VWF: variants seen among roughly 807,000 people sequenced by gnomAD.
The protein encoded by VWF is Factor VIII related antigen.
Under a neutral mutation model 308.6 loss-of-function variants are expected in VWF, and 176 were observed. The ratio of observed to expected loss-of-function variants is 0.57; its 90% CI spans 0.50 to 0.65. The LOEUF is 0.65. VWF is among the 30% of genes least tolerant of loss of function. VWF has a pLI of 0.00. For missense variants in VWF, 3,146 were observed against 3,648.2 expected (o/e 0.86, Z 3.55); for synonymous variants, 1,385 against 1,443.4 (o/e 0.96, Z 0.92).
At chr12:5,951,176 A>G (rs58935006) in intron 50 of VWF, among the ~76,000 whole-genome samples, 25,969 of 152,182 alleles carry the variant, frequency 0.17, 2,422 homozygotes, top group Middle Eastern at 0.22. Flanking sequence ...TTGTGCTCAC[A>G]AACACAAGCA....
Position 6,065,138 on chromosome 12 carries a change from TG to T in VWF, c.1291del (p.Gln431SerfsTer26). On this transcript the variant is annotated frameshift_variant and splice_region_variant, in exon 11 of 52. Coordinates refer to ENST00000261405, the MANE Select transcript of VWF (RefSeq NM_000552.5). LOFTEE classifies it high-confidence loss of function. Reference protein sequence around the residue: ...HSFSIVIETVQCADDRDAVCT... With the variant: ...HSFSIVIETVXCADDRDAVCT... ...AGCAGCCGGGCTGGCAAAGCTCACC[TG>T]GACAGTCTCAATGACAATGGAGAAG... 6.2e-7 allele frequency: 1 copy of T among 1,614,224 alleles called. No individual in the cohort carries two copies. Among genetic ancestry groups the T allele is most frequent in the Non-Finnish European group, 8.5e-7 (1 of 1,180,052 alleles).
Position 6,030,999 on chromosome 12 carries a change from C to G in VWF, c.2820+445G>C, listed in dbSNP as rs540717308. Among the ~76,000 whole-genome samples the G allele has an allele frequency of 5.3e-5, 8 of 152,204 alleles. No individual in the cohort carries two copies. The East Asian group carries it at 1.5e-3, about 29-fold the overall frequency. On this transcript the variant is annotated intron_variant, in intron 21 of 51. Transcript: ENST00000261405. ...AGCAGAGAGATCACACCACTACACTCCAGCCTAGGCAAAAGAGCGAGACTC... is the reference window on the plus strand; with the variant it reads ...AGCAGAGAGATCACACCACTACACTGCAGCCTAGGCAAAAGAGCGAGACTC...
intron 6 of VWF, among the ~76,000 whole-genome samples, chr12:6,082,827 G>A (rs762521004): frequency 2.6e-5 from 4 of 152,286 alleles, no homozygotes; most frequent in Non-Finnish European, 4.4e-5. Flanking sequence ...ATTTGTCTCA[G>A]GTTTTTCTTT....
At chr12:6,029,933 C>T (rs1373346246) in intron 21 of VWF, among the ~76,000 whole-genome samples, 5 of 152,154 alleles carry the variant, frequency 3.3e-5, no homozygotes, top group Non-Finnish European at 7.3e-5. Context: ...ATCCCACCAC[C>T]TCCCCCTCCC....
At chr12:6,048,668 G>T (rs1163534532) in intron 16 of VWF, among the ~76,000 whole-genome samples, 1 of 151,120 alleles carries the variant, frequency 6.6e-6, no homozygotes, top group East Asian at 2.0e-4. Context: ...TCACCATGTT[G>T]ACCAGGCTGG....
chr12:6,123,415 G>T (rs1464221875), intron 1 of VWF, among the ~76,000 whole-genome samples: 1 of 152,138 alleles, frequency 6.6e-6, no homozygotes, highest in Non-Finnish European at 1.5e-5. Context: ...TGTGAGCTGG[G>T]ACCTGTGGGC....
At chr12:6,055,976 C>T (rs1032095285) in intron 15 of VWF, among the ~76,000 whole-genome samples, 1 of 151,712 alleles carries the variant, frequency 6.6e-6, no homozygotes, top group Non-Finnish European at 1.5e-5. Flanking sequence ...ATCCACTATG[C>T]CTTATTCTTA....
Position 6,112,164 on chromosome 12 carries a change from A to G in VWF, c.221-1196T>C, listed in dbSNP as rs963007823. ...TTAATAAGGACACACTAAATGGTTGACAATGGAAATGTCTGAAGATCCAGA... is the reference window on the plus strand; with the variant it reads ...TTAATAAGGACACACTAAATGGTTGGCAATGGAAATGTCTGAAGATCCAGA... On this transcript the variant is annotated intron_variant, in intron 3 of 51. Transcript: ENST00000261405. Among the ~76,000 whole-genome samples the G allele has an allele frequency of 3.9e-5, 6 of 152,258 alleles. No individual in the cohort carries two copies. The South Asian group carries it at 8.3e-4, about 21-fold the overall frequency.
In VWF at chr12:6,057,948, G is replaced by A. The variant is rs1241627827; in HGVS notation, c.1630C>T (p.Pro544Ser). The change falls in exon 14 of 52, where the codon CCC (proline) becomes TCC (serine). Residue 544 changes from proline to serine, a missense_variant. Transcript: ENST00000261405. Reference protein sequence around the residue: ...DFLTPSGLAEPRVEDFGNAWK... With the variant: ...DFLTPSGLAESRVEDFGNAWK... The stretch of plus-strand genomic sequence containing the variant: ...GCGTTCCCGAAGTCCTCCACCCGGG[G>A]CTCCGCCAGCCCAGAGGGGGTAAGG... 5 of 1,613,734 alleles carry A rather than the reference G, an allele frequency of 3.1e-6. No homozygotes were observed. In the East Asian group the frequency reaches 6.7e-5, roughly 22 times the overall value.
chr12:6,044,444 C>T lies in VWF; in HGVS notation c.2289G>A (p.Arg763=), dbSNP rs886049743. Residue 763 remains arginine (R), a synonymous_variant, in exon 18 of 52, where the codon AGG becomes AGA. Transcript: ENST00000261405. Reference sequence around the variant, plus strand: ...CCATGGGGGGCCGACAGGATAGGCTCCTTTTGCCTCGAAGGTAGGAAAAGC... The same window carrying T: ...CCATGGGGGGCCGACAGGATAGGCTTCTTTTGCCTCGAAGGTAGGAAAAGC... ...LSSPLSHRSK[R]SLSCRPPMVK... 3 of 1,613,988 alleles carry T rather than the reference C, an allele frequency of 1.9e-6. No individual in the cohort carries two copies. Among genetic ancestry groups the T allele is most frequent in the East Asian group, 2.2e-5 (1 of 44,890 alleles).
At chr12:5,952,280 G>C (rs1179789118) in intron 49 of VWF, 111 bp downstream of exon 49, 2 of 1,442,216 alleles carry the variant, frequency 1.4e-6, no homozygotes, top group East Asian at 2.3e-5. Flanking sequence ...CTAGGCCAGA[G>C]ATGTGCCTCA....
chr12:6,024,138 T>C lies in VWF; in HGVS notation c.3223-351A>G, dbSNP rs1944165279. Among the ~76,000 whole-genome samples, 1 of 152,160 alleles carries C rather than the reference T, an allele frequency of 6.6e-6. No individual in the cohort carries two copies. Among genetic ancestry groups the C allele is most frequent in the Admixed American group, 6.5e-5 (1 of 15,276 alleles). The stretch of plus-strand genomic sequence containing the variant: ...ACTCTTAGCCTCATGAGCATGTGGG[T>C]GCTTTTACAAAAACACAAACACACA... On this transcript the variant is annotated intron_variant, in intron 24 of 51. Coordinates refer to ENST00000261405, the MANE Select transcript of VWF (RefSeq NM_000552.5). The surrounding 1 kb of genome is among the most constrained non-coding windows in gnomAD (Gnocchi z 4.0).
At chr12:6,080,187 C>A (rs1023774711) in intron 6 of VWF, among the ~76,000 whole-genome samples, 1 of 152,198 alleles carries the variant, frequency 6.6e-6, no homozygotes, top group East Asian at 1.9e-4. Context: ...TTTCTGTGGC[C>A]GTCTCCTCCA....
rs112864292 is a variant in VWF, at chr12:6,036,591, G to A, written c.2443-100C>T. Reference sequence around the variant, plus strand: ...AGTGTTGTCTGAGACTTGAGCCTACGGGTAAGCCCAGCACTGGGACTGGCA... The same window carrying A: ...AGTGTTGTCTGAGACTTGAGCCTACAGGTAAGCCCAGCACTGGGACTGGCA... On this transcript the variant is annotated intron_variant, in intron 18 of 51. Coordinates refer to ENST00000261405, the MANE Select transcript of VWF (RefSeq NM_000552.5). 1,325 of 1,142,920 alleles carry A rather than the reference G, an allele frequency of 1.2e-3. 11 individuals are homozygous for A. In the African/African-American group the frequency reaches 0.014, roughly 12 times the overall value. The allele number at this position is 1,142,920 out of a possible 1,614,324, so 70.8% of individuals were successfully genotyped here.
chr12:5,998,465 C>CAAAAAAAA (rs1179417103), intron 34 of VWF, among the ~76,000 whole-genome samples: 1 of 54,588 alleles, frequency 1.8e-5, no homozygotes, highest in East Asian at 4.3e-4. Context: ...GAGACTCCGT[C>CAAAAAAAA]AAAAAAAAAA....
chr12:6,018,937 G>A lies in VWF; in HGVS notation c.4481C>T (p.Ser1494Phe), dbSNP rs751967839. The A allele has an allele frequency of 2.5e-6, 4 of 1,613,922 alleles. No individual in the cohort carries two copies. The South Asian group carries it at 4.4e-5, about 18-fold the overall frequency. Residue 1494 changes from serine to phenylalanine, a missense_variant, in exon 28 of 52, where the codon TCC (serine) becomes TTC (phenylalanine). By Grantham distance (155) the Ser-to-Phe change is radical (BLOSUM62 -2). Transcript: ENST00000261405. ...GACGAACGCCACATCCAGAACCATG[G>A]AGTTCCTCTTGGGCCCCAGGGTCGA... is the stretch of plus-strand genomic sequence containing the variant. Reference protein sequence around the residue: ...GVSTLGPKRNSMVLDVAFVLE... With the variant: ...GVSTLGPKRNFMVLDVAFVLE...
Position 5,964,725 on chromosome 12 carries a change from G to A in VWF, c.7887+2761C>T, listed in dbSNP as rs1460454579. On this transcript the variant is annotated intron_variant, in intron 47 of 51. Coordinates refer to ENST00000261405, the MANE Select transcript of VWF (RefSeq NM_000552.5). ...GGCGTGTCTTCAGGAGCAGGCAGAA[G>A]GAAAAGCCAGTGAGGACAGGGCAGT... 2.6e-5 allele frequency among the ~76,000 whole-genome samples: 4 copies of A among 152,178 alleles called. No homozygotes were observed. The East Asian group carries it at 7.7e-4, about 29-fold the overall frequency.
At chr12:6,029,776 A>G (rs1428783740) in intron 21 of VWF, among the ~76,000 whole-genome samples, 1 of 152,224 alleles carries the variant, frequency 6.6e-6, no homozygotes, top group Non-Finnish European at 1.5e-5. Flanking sequence ...GAAACCAATG[A>G]GCAGGTATTT....
chr12:5,997,590 C>G (rs1943820234), intron 34 of VWF, among the ~76,000 whole-genome samples: 1 of 152,182 alleles, frequency 6.6e-6, no homozygotes, highest in Non-Finnish European at 1.5e-5. Flanking sequence ...TTTTAGTATT[C>G]TTGTGAGAAT....
Sources: gnomAD v4.1 joint callset for allele counts (sites outside exome capture counted in the v4.1 genomes callset) on GRCh38, gnomAD v4.1.1 for gene constraint, Gnocchi (gnomAD v3.1) non-coding constraint, MANE v1.5 for transcripts, NCBI Gene and HGNC (gene_info 2026-07-23, HGNC 2026-07-21) for gene names.